Variants in WDR64 observed in about 807,000 individuals in gnomAD.
The protein encoded by WDR64 is WD repeat domain 64, also known as WD repeat-containing protein 64.
A neutral mutation model predicts 139.3 loss-of-function variants in WDR64; 112 were observed. The observed-to-expected ratio is 0.80, with a 90% CI of 0.69 to 0.94. The LOEUF (loss-of-function observed/expected upper bound fraction) is 0.94, where lower values mean the gene tolerates loss of function less well. Among genes scored for constraint, WDR64 ranks in the 40% least tolerant of loss-of-function variants. The pLI is 0.00. For missense variants in WDR64, 1,206 were observed against 1,293.1 expected (o/e 0.93, Z 1.03); for synonymous variants, 444 against 437.7 (o/e 1.01, Z -0.18).
rs1296893731 is a variant in WDR64 at position 241,735,531 on chromosome 1, C to CCCTTTTTTTTTTTTT, written c.1195-2832_1195-2831insCCTTTTTTTTTTTTT. 2.5e-4 allele frequency among the ~76,000 whole-genome samples: 24 copies of CCCTTTTTTTTTTTTT among 96,814 alleles called. 1 individual carries two copies. The highest frequency in any genetic ancestry group is 9.8e-4 in the African/African-American group (24 of 24,420). 63.5% of individuals were successfully genotyped at this position (96,814 alleles called of 152,430 possible). On this transcript the variant is annotated intron_variant, in intron 10 of 27. Transcript: ENST00000437684. ...TAGTTCTCTGTCTCTCTCTCTCTCT[C>CCCTTTTTTTTTTTTT]TCTTTTTTTTTTTTTTTTTTTGATA...
At chr1:241,751,125 G>T (rs1384742915) in intron 14 of WDR64, among the ~76,000 whole-genome samples, 1 of 152,028 alleles carries the variant, frequency 6.6e-6, no homozygotes, top group Non-Finnish European at 1.5e-5. Flanking sequence ...CCATGTTCCA[G>T]AAGGATATTC....
At chr1:241,754,774 T>C (rs145801938) in intron 14 of WDR64, among the ~76,000 whole-genome samples, 1,805 of 151,530 alleles carry the variant, frequency 0.012, 12 homozygotes, top group Middle Eastern at 0.051. Flanking sequence ...CCTGTGTCTG[T>C]GTGTTCTCAT....
chr1:241,674,598 G>A, intron 3 of WDR64, 46 bp from the exon 4 acceptor site: 1 of 1,279,530 alleles, frequency 7.8e-7, no homozygotes, highest in Non-Finnish European at 1.1e-6. Context: ...ATGAGTTTCA[G>A]CACCTTTACT....
intron 20 of WDR64, 92 bp from the exon 21 acceptor site, chr1:241,775,013 C>T: frequency 3.2e-6 from 3 of 942,854 alleles, no homozygotes; most frequent in East Asian, 2.6e-5. Flanking sequence ...TCTTGAGATG[C>T]ATTATTTACA....
At chr1:241,749,797 C>A in intron 14 of WDR64, 75 bp downstream of exon 14, 1 of 1,489,328 alleles carries the variant, frequency 6.7e-7, no homozygotes, top group Non-Finnish European at 9.2e-7. Context: ...GGATAATCCC[C>A]ACCATGTAAC....
chr1:241,798,220 G>A (rs772002638), intron 27 of WDR64, among the ~76,000 whole-genome samples: 6 of 152,082 alleles, frequency 3.9e-5, no homozygotes, highest in South Asian at 2.1e-4. Context: ...CTGATAGATC[G>A]TCGATCACAC....
intron 15 of WDR64, among the ~76,000 whole-genome samples, chr1:241,764,043 C>T (rs56145959): frequency 0.15 from 22,922 of 151,866 alleles, 1,926 homozygotes; most frequent in African/African-American, 0.19. Context: ...GTAATGTGAA[C>T]GAAATAATGG....
At chr1:241,757,734 T>G (rs1670258095) in intron 15 of WDR64, among the ~76,000 whole-genome samples, 1 of 142,000 alleles carries the variant, frequency 7.0e-6, no homozygotes, top group Admixed American at 7.5e-5. Flanking sequence ...CCCTCCTGCC[T>G]CAGCCCCCCA....
At chr1:241,746,957 G>A (rs947325528) in intron 13 of WDR64, among the ~76,000 whole-genome samples, 1 of 151,992 alleles carries the variant, frequency 6.6e-6, no homozygotes, top group African/African-American at 2.4e-5. Flanking sequence ...ACAGGGTTTT[G>A]CTATGTTGCC....
chr1:241,757,247 T>C (rs2148276396), intron 14 of WDR64, 36 bp from the exon 15 acceptor site: 1 of 1,576,562 alleles, frequency 6.3e-7, no homozygotes, highest in Non-Finnish European at 8.6e-7. Context: ...ATAAAATAAT[T>C]GAACTTTTCA....
chr1:241,752,846 G>A (rs1237823878), intron 14 of WDR64, among the ~76,000 whole-genome samples: 1 of 152,080 alleles, frequency 6.6e-6, no homozygotes, highest in Non-Finnish European at 1.5e-5. Context: ...GCAAGACTCT[G>A]TCTCAAAAAG....
chr1:241,784,953 G>GGATAAAAAAA (rs766802128), intron 23 of WDR64, among the ~76,000 whole-genome samples: 2 of 62,250 alleles, frequency 3.2e-5, no homozygotes, highest in Admixed American at 2.3e-4. Flanking sequence ...GACTCTGTCT[G>GGATAAAAAAA]AAAAAAAAAA....
At chr1:241,771,593 A>T (rs1658433224) in intron 18 of WDR64, 68 bp from the exon 19 acceptor site, 15 of 1,172,104 alleles carry the variant, frequency 1.3e-5, no homozygotes, top group Non-Finnish European at 1.7e-5. Flanking sequence ...GGAGAATTTA[A>T]TCACCCAGTA....
At chr1:241,730,872 T>C (rs1194123226) in intron 10 of WDR64, among the ~76,000 whole-genome samples, 1 of 152,206 alleles carries the variant, frequency 6.6e-6, no homozygotes, top group African/African-American at 2.4e-5. Flanking sequence ...AGTTCAATTT[T>C]CCTGGTAAAT....
At chr1:241,770,561 C>T in intron 17 of WDR64, 60 bp from the exon 18 acceptor site, 1 of 1,452,304 alleles carries the variant, frequency 6.9e-7, no homozygotes. Flanking sequence ...GAAGCACACC[C>T]TTTGAGTATG....
chr1:241,787,737 TA>T, intron 23 of WDR64, 111 bp from the exon 24 acceptor site: 2 of 892,368 alleles, frequency 2.2e-6, no homozygotes, highest in Non-Finnish European at 3.3e-6. Flanking sequence ...TGAACCCAAG[TA>T]AAAAAATCCT....
intron 26 of WDR64, among the ~76,000 whole-genome samples, chr1:241,795,675 T>C (rs6673963): frequency 0.57 from 86,552 of 151,906 alleles, 25,409 homozygotes; most frequent in Middle Eastern, 0.7. Flanking sequence ...CTGGTCTCTC[T>C]AATACCTCTG....
At chr1:241,681,439 A>T (rs1341739764) in intron 6 of WDR64, among the ~76,000 whole-genome samples, 5 of 152,180 alleles carry the variant, frequency 3.3e-5, no homozygotes, top group Non-Finnish European at 7.3e-5. Flanking sequence ...GGTTGCTGTG[A>T]ATGCCATTAA....
intron 8 of WDR64, among the ~76,000 whole-genome samples, chr1:241,711,372 G>T (rs1574031710): frequency 6.6e-6 from 1 of 152,170 alleles, no homozygotes; most frequent in East Asian, 1.9e-4. Flanking sequence ...GTATATTTCA[G>T]AGGAAAAATT....
Sources: allele counts gnomAD v4.1 joint callset (sites outside exome capture counted in the v4.1 genomes callset), GRCh38; gene constraint gnomAD v4.1.1; transcripts MANE v1.5; gene names NCBI Gene and HGNC (gene_info 2026-07-23, HGNC 2026-07-21).